KIAA1755: variants seen among roughly 807,000 people sequenced by gnomAD.
KIAA1755 encodes the protein KIAA1755, also known as uncharacterized protein KIAA1755.
In KIAA1755, 68 loss-of-function variants were observed where a neutral mutation model predicts 91.7. The observed-to-expected ratio is 0.74, with a 90% CI of 0.61 to 0.91. The LOEUF (loss-of-function observed/expected upper bound fraction) is 0.91. Among genes scored for constraint, KIAA1755 ranks in the 40% least tolerant of loss-of-function variants. The pLI, the probability that KIAA1755 is intolerant of heterozygous loss-of-function variation, is 0.00. For synonymous variants in KIAA1755, 610 were observed against 604.6 expected (o/e 1.01, Z -0.13); for missense variants, 1,535 against 1,494.4 (o/e 1.03, Z -0.45).
chr20:38,241,199 G>T lies in KIAA1755; in HGVS notation c.932C>A (p.Thr311Asn). ...TSGALEEIAG[T>N]KETPLFQKIL... ...CTTTTGAAATAAGGGAGTTTCCTTA[G>T]TTCCAGCTATCTCCTCTAGTGCCCC... Residue 311 changes from threonine (T) to asparagine (N), a missense_variant, in exon 3 of 14, where the codon ACT becomes AAT. Physicochemically the swap from Thr to Asn is moderately conservative, Grantham distance 65 (BLOSUM62 0). Transcript: ENST00000279024. 1 of 1,614,176 alleles carries T rather than the reference G, an allele frequency of 6.2e-7. No homozygotes were observed. The highest frequency in any genetic ancestry group is 1.1e-5 in the South Asian group (1 of 91,084).
chr20:38,259,919 C>G (rs67139609), intron 1 of KIAA1755, among the ~76,000 whole-genome samples: 20,237 of 151,878 alleles, frequency 0.13, 1,666 homozygotes, highest in South Asian at 0.24. Flanking sequence ...TCTTCCCTCT[C>G]CCCAGCCAAT....
At position 38,241,061 on chromosome 20, in the gene KIAA1755, T is replaced by C. The variant is rs143647432; in HGVS notation, c.1070A>G (p.Asn357Ser). 2.6e-4 allele frequency: 421 copies of C among 1,614,134 alleles called. 2 individuals carry two copies. In the East Asian group the frequency reaches 9.2e-3, roughly 35 times the overall value. ...TGAGTTGTGGGTGGGTGCTTTAAGA[T>C]TGACCTTTCTCCTGAAGCCCAAATT... ...PYNLGFRRKV[N>S]LKAPTHNSER... The change falls in exon 3 of 14, where the codon AAT (asparagine) becomes AGT (serine). Residue 357 changes from asparagine (N) to serine (S), a missense_variant. Coordinates refer to ENST00000279024, the MANE Select transcript of KIAA1755 (RefSeq NM_001029864.2).
chr20:38,260,231 G>T, intron 1 of KIAA1755: 1 of 1,521,498 alleles, frequency 6.6e-7, no homozygotes, highest in Non-Finnish European at 8.8e-7. Flanking sequence ...TCAGGTCTAG[G>T]GGTTGGGGAA....
chr20:38,225,835 TAGA>T (rs1466860204), intron 7 of KIAA1755, 54 bp from the exon 8 acceptor site: 1 of 1,092,598 alleles, frequency 9.2e-7, no homozygotes, highest in Admixed American at 2.6e-5. Context: ...ACAGTCATTT[TAGA>T]AGGTCCTGCC....
In KIAA1755 at chr20:38,212,987, G is replaced by A. The variant is rs1173798940; in HGVS notation, c.*55C>T. On this transcript the variant is annotated 3_prime_UTR_variant, in exon 14 of 14. Transcript: ENST00000279024. ...ACCAGAGCTCCCAGCTACCCCTCCA[G>A]CTGGGCCCTGGCCCAGTGCTCCTGG... 4 of 1,397,912 alleles carry A rather than the reference G, an allele frequency of 2.9e-6. No individual in the cohort carries two copies. Among genetic ancestry groups the A allele is most frequent in the Non-Finnish European group, 3.9e-6 (4 of 1,034,078 alleles). The allele number at this position is 1,397,912 out of a possible 1,614,324, so 86.6% of individuals were successfully genotyped here. A position where few individuals can be genotyped will look rare whatever the true frequency, so the allele number is the denominator to read the frequency against.
chr20:38,241,485 C>A lies in KIAA1755; in HGVS notation c.646G>T (p.Glu216Ter). ...TCTGGGGAGCTGGCCTGGTGCAACTCTTGAGGGCTGCTCAAATCCAGTGCC... is the reference window on the plus strand; with the variant it reads ...TCTGGGGAGCTGGCCTGGTGCAACTATTGAGGGCTGCTCAAATCCAGTGCC... ...LEALDLSSPQ[E>*]LHQASSPDNQ... The change falls in exon 3 of 14, where the codon GAG becomes TAG. Residue 216 changes from glutamate (E) to a stop codon, truncating the protein, a stop_gained. Transcript: ENST00000279024. LOFTEE classifies it high-confidence loss of function. 6.2e-7 allele frequency: 1 copy of A among 1,614,260 alleles called. No individual in the cohort carries two copies. Among genetic ancestry groups the A allele is most frequent in the Non-Finnish European group, 8.5e-7 (1 of 1,180,044 alleles).
intron 8 of KIAA1755, among the ~76,000 whole-genome samples, chr20:38,224,445 A>C (rs2075719265): frequency 6.6e-6 from 1 of 152,224 alleles, no homozygotes; most frequent in African/African-American, 2.4e-5. Context: ...CTATTCAAAA[A>C]CACACAATTT....
chr20:38,234,195 C>T (rs1354821154), intron 4 of KIAA1755, among the ~76,000 whole-genome samples: 2 of 152,356 alleles, frequency 1.3e-5, no homozygotes, highest in East Asian at 3.9e-4. Flanking sequence ...CCCCTTGCCA[C>T]CAATGACAGA....
rs140170793 is a variant in KIAA1755 at position 38,225,704 on chromosome 20, G to T, written c.2130C>A (p.Pro710=). ...PSQLPAVLEG[P]FPYCHTEWVH... ...CCCACTCGGTGTGGCAGTAGGGGAA[G>T]GGGCCTTCCAGGACTGCGGGCAGCT... The change falls in exon 8 of 14, where the codon CCC becomes CCA. Residue 710 remains proline (P), a synonymous_variant. Coordinates refer to ENST00000279024, the MANE Select transcript of KIAA1755 (RefSeq NM_001029864.2). 1.9e-3 allele frequency: 3,083 copies of T among 1,613,442 alleles called. 52 individuals are homozygous for T. In the East Asian group the frequency reaches 0.046, roughly 24 times the overall value.
At chr20:38,249,410 A>G (rs2076209184) in intron 1 of KIAA1755, among the ~76,000 whole-genome samples, 1 of 152,226 alleles carries the variant, frequency 6.6e-6, no homozygotes, top group Non-Finnish European at 1.5e-5. Context: ...TTAGTAAATG[A>G]GGCCCCTGAA....
At chr20:38,250,462 ATATTAT>A (rs147689166) in intron 1 of KIAA1755, among the ~76,000 whole-genome samples, 1 of 147,730 alleles carries the variant, frequency 6.8e-6, no homozygotes, top group African/African-American at 2.5e-5. Flanking sequence ...TTCTGTGGTC[ATATTAT>A]TATTATTATT....
chr20:38,249,985 C>G (rs2076219915), intron 1 of KIAA1755, among the ~76,000 whole-genome samples: 1 of 152,214 alleles, frequency 6.6e-6, no homozygotes, highest in South Asian at 2.1e-4. Context: ...GGTCCTTTCC[C>G]TCTCTGGGCC....
chr20:38,251,976 C>T (rs368903412), intron 1 of KIAA1755, among the ~76,000 whole-genome samples: 2 of 152,164 alleles, frequency 1.3e-5, no homozygotes, highest in East Asian at 1.9e-4. Flanking sequence ...TTACCCAGAT[C>T]AAGAGACAAA....
At chr20:38,216,226 G>C (rs746097481) in intron 13 of KIAA1755, among the ~76,000 whole-genome samples, 4 of 152,220 alleles carry the variant, frequency 2.6e-5, no homozygotes, top group Admixed American at 6.5e-5. Context: ...CCAAGGCTCG[G>C]ATTCCGCCTG....
At chr20:38,252,892 T>C (rs2123325680) in intron 1 of KIAA1755, among the ~76,000 whole-genome samples, 1 of 152,170 alleles carries the variant, frequency 6.6e-6, no homozygotes, top group Admixed American at 6.5e-5. Flanking sequence ...CTGTGGTGGG[T>C]GTGGGGGTGC....
chr20:38,229,887 C>G (rs1334636394), intron 5 of KIAA1755, among the ~76,000 whole-genome samples: 1 of 152,148 alleles, frequency 6.6e-6, no homozygotes, highest in Non-Finnish European at 1.5e-5. Context: ...GGGGTCCCAT[C>G]TCCCACTCAG....
chr20:38,221,772 A>G (rs2075663441), intron 10 of KIAA1755, among the ~76,000 whole-genome samples: 1 of 152,254 alleles, frequency 6.6e-6, no homozygotes, highest in African/African-American at 2.4e-5. Context: ...GAATATAAGT[A>G]GCTGTGTTCT....
intron 11 of KIAA1755, 122 bp from the exon 12 acceptor site, chr20:38,218,488 A>T: frequency 2.3e-6 from 3 of 1,326,660 alleles, no homozygotes; most frequent in Non-Finnish European, 3.1e-6. Flanking sequence ...TAGGCCTGTG[A>T]CCACTGGCTT....
Position 38,217,415 on chromosome 20 carries a change from GGCTGTAGCTCCCA to G in KIAA1755, c.2726_2738del (p.Leu909ProfsTer29), listed in dbSNP as rs1568731334. The G allele has an allele frequency of 1.2e-6, 2 of 1,613,124 alleles. No individual in the cohort carries two copies. Among genetic ancestry groups the G allele is most frequent in the Admixed American group, 3.3e-5 (2 of 59,930 alleles). On this transcript the variant is annotated frameshift_variant, in exon 13 of 14. Transcript: ENST00000279024. LOFTEE classifies it high-confidence loss of function. Reference sequence around the variant, plus strand: ...CACGTTCTGCCTCCCCAGCCCCTCTGGCTGTAGCTCCCAGCTGAGCGGCCTGCTTGGACAGCTC... The same window carrying G: ...CACGTTCTGCCTCCCCAGCCCCTCTGGCTGAGCGGCCTGCTTGGACAGCTC...
Sources: gnomAD v4.1 joint callset for allele counts (sites outside exome capture counted in the v4.1 genomes callset) on GRCh38, gnomAD v4.1.1 for gene constraint, MANE v1.5 for transcripts, NCBI Gene and HGNC (gene_info 2026-07-23, HGNC 2026-07-21) for gene names.